Variants in ENOPH1 observed in about 807,000 individuals in gnomAD.
ENOPH1 encodes the protein enolase-phosphatase 1.
ENOPH1 carries 14 observed loss-of-function variants against 31.1 expected under a neutral mutation model. That is an observed-to-expected ratio of 0.45 (90% confidence interval 0.30 to 0.70). ENOPH1 has a LOEUF of 0.70. Among genes scored for constraint, ENOPH1 ranks in the 30% least tolerant of loss-of-function variants. ENOPH1 has a pLI of 0.09. For synonymous variants in ENOPH1, 127 were observed against 123.2 expected (o/e 1.03, Z -0.21); for missense variants, 243 against 321.5 (o/e 0.76, Z 1.87).
At chr4:82,459,440 C>T (rs865910497) in intron 5 of ENOPH1, among the ~76,000 whole-genome samples, 3 of 152,152 alleles carry the variant, frequency 2.0e-5, no homozygotes, top group Admixed American at 6.5e-5. Context: ...TACAGGCACA[C>T]GCCACCACGC....
At chr4:82,452,614 T>G (rs1415959627) in intron 3 of ENOPH1, among the ~76,000 whole-genome samples, 1 of 151,952 alleles carries the variant, frequency 6.6e-6, no homozygotes, top group Non-Finnish European at 1.5e-5. Context: ...TTGGAGATAG[T>G]CTCACTCTGT....
At chr4:82,437,662 C>T (rs1721942498) in intron 1 of ENOPH1, among the ~76,000 whole-genome samples, 2 of 152,216 alleles carry the variant, frequency 1.3e-5, no homozygotes, top group South Asian at 4.1e-4. Flanking sequence ...GTCCTCTGAA[C>T]TCATTGTCAG....
intron 1 of ENOPH1, among the ~76,000 whole-genome samples, chr4:82,431,462 C>T (rs765963769): frequency 6.6e-6 from 1 of 152,192 alleles, no homozygotes; most frequent in Non-Finnish European, 1.5e-5. Flanking sequence ...TTATTTTACT[C>T]TGTTAGGCGC....
intron 1 of ENOPH1, among the ~76,000 whole-genome samples, chr4:82,433,025 T>G (rs1158837479): frequency 5.3e-5 from 8 of 152,144 alleles, no homozygotes; most frequent in Non-Finnish European, 1.2e-4. Flanking sequence ...CTTTCTTGGT[T>G]TTCAGAGAAA....
At chr4:82,437,108 C>T (rs1721925007) in intron 1 of ENOPH1, among the ~76,000 whole-genome samples, 1 of 152,108 alleles carries the variant, frequency 6.6e-6, no homozygotes. Flanking sequence ...AAAAAGAAAG[C>T]ACCTCTCACT....
intron 1 of ENOPH1, among the ~76,000 whole-genome samples, chr4:82,433,341 A>G (rs1161005904): frequency 6.6e-6 from 1 of 152,198 alleles, no homozygotes; most frequent in African/African-American, 2.4e-5. Flanking sequence ...TTATTCTGAA[A>G]TCCAAAAATA....
chr4:82,442,876 G>A (rs937555950), intron 1 of ENOPH1, among the ~76,000 whole-genome samples: 7 of 152,198 alleles, frequency 4.6e-5, no homozygotes, highest in African/African-American at 7.2e-5. Context: ...CCAGGCTGGC[G>A]TGCAGTGGCG....
At chr4:82,434,877 A>C (rs907080140) in intron 1 of ENOPH1, among the ~76,000 whole-genome samples, 1 of 151,796 alleles carries the variant, frequency 6.6e-6, no homozygotes, top group African/African-American at 2.4e-5. Context: ...AGTGCACTCC[A>C]ACCTGAGTGA....
At chr4:82,434,905 T>TAAAA (rs778921272) in intron 1 of ENOPH1, among the ~76,000 whole-genome samples, 1 of 143,110 alleles carries the variant, frequency 7.0e-6, no homozygotes, top group African/African-American at 2.6e-5. Context: ...AGACTGTCTT[T>TAAAA]AAAAAAAAAA....
Position 82,459,946 on chromosome 4 carries a change from T to C in ENOPH1, c.647-35T>C, listed in dbSNP as rs1176919523. The C allele has an allele frequency of 2.5e-6, 4 of 1,608,186 alleles. No homozygotes were observed. In the East Asian group the frequency reaches 6.7e-5, roughly 27 times the overall value. ...AAATCTCAGACATCATTTTTTGGTGTTTCTGACACACACACATCCTTTGAT... is the reference window on the plus strand; with the variant it reads ...AAATCTCAGACATCATTTTTTGGTGCTTCTGACACACACACATCCTTTGAT... On this transcript the variant is annotated intron_variant, in intron 5 of 5. Transcript: ENST00000273920.
At position 82,454,831 on chromosome 4, in the gene ENOPH1, TC is replaced by T. The variant is rs1560468378; in HGVS notation, c.500del (p.Ser167LeufsTer22). On this transcript the variant is annotated frameshift_variant, in exon 4 of 6. Transcript: ENST00000273920. LOFTEE classifies it high-confidence loss of function. ...GGCACAGAAACTGTTATTCGGGCATTCTACGGAGGGAGATATTCTTGAGGTA... is the reference window on the plus strand; with the variant it reads ...GGCACAGAAACTGTTATTCGGGCATTTACGGAGGGAGATATTCTTGAGGTA... ...VEAQKLLFGH[S>X]TEGDILELVD... 1 of 1,613,406 alleles carries T rather than the reference TC, an allele frequency of 6.2e-7. No homozygotes were observed. The highest frequency in any genetic ancestry group is 1.7e-5 in the Admixed American group (1 of 59,696).
At chr4:82,439,714 A>G (rs1054691740) in intron 1 of ENOPH1, among the ~76,000 whole-genome samples, 5 of 152,244 alleles carry the variant, frequency 3.3e-5, no homozygotes, top group Admixed American at 6.5e-5. Context: ...AAATGACATT[A>G]TCAGTAAGTT....
rs570381401 is a variant in ENOPH1 at position 82,445,092 on chromosome 4, G to T, written c.85-2828G>T. ...AAAAAATTAGCAAGGCTAATTACAG[G>T]TGGTGCACACCTGTAATCCCATCTA... On this transcript the variant is annotated intron_variant, in intron 1 of 5. Coordinates refer to ENST00000273920, the MANE Select transcript of ENOPH1 (RefSeq NM_021204.5). 1.2e-4 allele frequency among the ~76,000 whole-genome samples: 18 copies of T among 152,232 alleles called. No individual in the cohort carries two copies. The South Asian group carries it at 3.7e-3, about 32-fold the overall frequency.
chr4:82,445,323 C>G (rs1310026942), intron 1 of ENOPH1, among the ~76,000 whole-genome samples: 1 of 152,152 alleles, frequency 6.6e-6, no homozygotes. Context: ...TACAGATATT[C>G]TCAATAAGTA....
At chr4:82,437,149 C>CTATAT (rs1426355219) in intron 1 of ENOPH1, among the ~76,000 whole-genome samples, 3 of 152,070 alleles carry the variant, frequency 2.0e-5, no homozygotes, top group Admixed American at 2.0e-4. Context: ...TTTCTAGAAC[C>CTATAT]TTCAGTATTG....
In ENOPH1 at chr4:82,430,838, G is replaced by C; in HGVS notation, c.9G>C (p.Val3=). The C allele has an allele frequency of 6.2e-7, 1 of 1,614,130 alleles. No individual in the cohort carries two copies. Among genetic ancestry groups the C allele is most frequent in the Non-Finnish European group, 8.5e-7 (1 of 1,179,978 alleles). The stretch of plus-strand genomic sequence containing the variant: ...TAGCATCCGGTAGGGAAATGGTCGT[G>C]CTTTCGGTCCCCGCCGAAGTCACCG... MV[V]LSVPAEVTVI... is the part of the protein sequence containing the mutation. The change falls in exon 1 of 6, where the codon GTG becomes GTC. Residue 3 remains valine (V), a synonymous_variant. Coordinates refer to ENST00000273920, the MANE Select transcript of ENOPH1 (RefSeq NM_021204.5).
intron 1 of ENOPH1, among the ~76,000 whole-genome samples, chr4:82,439,335 C>T (rs1012574520): frequency 3.9e-5 from 6 of 152,126 alleles, no homozygotes; most frequent in African/African-American, 1.2e-4. Flanking sequence ...CTAAGGCATG[C>T]GGTTTGGAAA....
At chr4:82,436,577 C>G (rs1439638272) in intron 1 of ENOPH1, among the ~76,000 whole-genome samples, 1 of 151,708 alleles carries the variant, frequency 6.6e-6, no homozygotes, top group African/African-American at 2.4e-5. Context: ...ATCCCAGCTA[C>G]TCAGGAGGCT....
chr4:82,445,632 T>A (rs1016580884), intron 1 of ENOPH1, among the ~76,000 whole-genome samples: 2 of 152,176 alleles, frequency 1.3e-5, no homozygotes, highest in Admixed American at 6.5e-5. Context: ...AGCTTTTTAA[T>A]TTTTTGTGGA....
Sources: allele counts gnomAD v4.1 joint callset (sites outside exome capture counted in the v4.1 genomes callset), GRCh38; gene constraint gnomAD v4.1.1; transcripts MANE v1.5; gene names NCBI Gene and HGNC (gene_info 2026-07-23, HGNC 2026-07-21).